The following MECOM variants were observed in gnomAD, a reference collection of about 807,000 sequenced individuals.
The protein encoded by MECOM is histone-lysine N-methyltransferase MECOM.
In MECOM, 13 loss-of-function variants were observed where a neutral mutation model predicts 116.3. The observed-to-expected ratio is 0.11, with a 90% confidence interval of 0.07 to 0.18. The LOEUF (loss-of-function observed/expected upper bound fraction) is 0.18, where lower values mean the gene tolerates loss of function less well. Among genes scored for constraint, MECOM ranks in the 10% least tolerant of loss-of-function variants. The probability of loss-of-function intolerance (pLI) is 1.00; values close to 1 mark genes in which losing one functional copy is unlikely to be tolerated. For missense variants in MECOM, 1,299 were observed against 1,509.0 expected (o/e 0.86, Z 2.31); for synonymous variants, 528 against 535.2 (o/e 0.99, Z 0.19).
chr3:169,462,912 C>A (rs887169339), intron 1 of MECOM, among the ~76,000 whole-genome samples: 4 of 152,122 alleles, frequency 2.6e-5, no homozygotes, highest in African/African-American at 7.2e-5. Flanking sequence ...TTTTAAAGAA[C>A]AACCTCATGT....
chr3:169,200,442 GT>G (rs1398119536), intron 2 of MECOM, among the ~76,000 whole-genome samples: 12 of 151,964 alleles, frequency 7.9e-5, no homozygotes, highest in African/African-American at 2.9e-4. Context: ...ACAGTGGGAG[GT>G]TTTTTAACAA....
At chr3:169,289,601 C>T (rs1388418059) in intron 2 of MECOM, among the ~76,000 whole-genome samples, 5 of 152,096 alleles carry the variant, frequency 3.3e-5, no homozygotes, top group Non-Finnish European at 7.4e-5. Flanking sequence ...CTTGAGCTAC[C>T]CCTGACAGGC....
intron 1 of MECOM, among the ~76,000 whole-genome samples, chr3:169,417,676 C>T (rs369837101): frequency 0.047 from 7,138 of 151,278 alleles, 244 homozygotes; most frequent in Non-Finnish European, 0.073. Flanking sequence ...TATTGCGGCA[C>T]TATTCACAAT....
At chr3:169,192,425 A>AT (rs1416436599) in intron 2 of MECOM, among the ~76,000 whole-genome samples, 1 of 151,924 alleles carries the variant, frequency 6.6e-6, no homozygotes, top group Non-Finnish European at 1.5e-5. Context: ...AAAACCTCAA[A>AT]TTTTTTTATT....
chr3:169,214,250 C>T (rs942788992), intron 2 of MECOM, among the ~76,000 whole-genome samples: 1 of 151,722 alleles, frequency 6.6e-6, no homozygotes, highest in Admixed American at 6.6e-5. Flanking sequence ...GTAGAATTAG[C>T]GGTAGAAAAG....
At chr3:169,256,102 C>T (rs1229862885) in intron 2 of MECOM, among the ~76,000 whole-genome samples, 1 of 152,150 alleles carries the variant, frequency 6.6e-6, no homozygotes, top group Non-Finnish European at 1.5e-5. Context: ...AAATACTTAG[C>T]TTCCTCTAGT....
intron 10 of MECOM, among the ~76,000 whole-genome samples, chr3:169,107,315 A>G (rs995073927): frequency 1.3e-5 from 2 of 152,190 alleles, no homozygotes; most frequent in African/African-American, 4.8e-5. Flanking sequence ...ATAAAAATAA[A>G]GCTATCCCCT....
At chr3:169,225,761 C>T (rs879839262) in intron 2 of MECOM, among the ~76,000 whole-genome samples, 70 of 152,168 alleles carry the variant, frequency 4.6e-4, no homozygotes, top group South Asian at 8.3e-4. Context: ...AGGCATGCAC[C>T]ACCACGCCTG....
intron 1 of MECOM, among the ~76,000 whole-genome samples, chr3:169,473,366 C>T (rs1749852219): frequency 6.6e-6 from 1 of 152,214 alleles, no homozygotes. Flanking sequence ...AGAGAGACCA[C>T]TATCCCTAAA....
chr3:169,297,353 A>AG (rs1715810549), intron 2 of MECOM, among the ~76,000 whole-genome samples: 1 of 152,242 alleles, frequency 6.6e-6, no homozygotes, highest in Admixed American at 6.5e-5. Flanking sequence ...ACCAAACAGT[A>AG]GTCATTTATC....
intron 2 of MECOM, among the ~76,000 whole-genome samples, chr3:169,190,985 T>C (rs1321094679): frequency 6.6e-6 from 1 of 151,956 alleles, no homozygotes; most frequent in African/African-American, 2.4e-5. Flanking sequence ...ATTTTACCCA[T>C]AGAAAGGCTG....
chr3:169,610,105 T>G (rs1769066634), intron 1 of MECOM, among the ~76,000 whole-genome samples: 1 of 152,224 alleles, frequency 6.6e-6, no homozygotes, highest in African/African-American at 2.4e-5. Flanking sequence ...ACTACAGGTT[T>G]TTGTCAATTG....
intron 3 of MECOM, among the ~76,000 whole-genome samples, chr3:169,132,576 G>C (rs1445422198): frequency 6.6e-6 from 1 of 151,986 alleles, no homozygotes; most frequent in African/African-American, 2.4e-5. Context: ...ACGATTAACT[G>C]GTGAAAATGA....
intron 1 of MECOM, among the ~76,000 whole-genome samples, chr3:169,586,335 A>G (rs1765775142): frequency 6.6e-6 from 1 of 152,246 alleles, no homozygotes; most frequent in Non-Finnish European, 1.5e-5. Flanking sequence ...TATTTTAAGC[A>G]TCTAAAGCCA....
At chr3:169,351,426 T>C (rs1726324485) in intron 2 of MECOM, among the ~76,000 whole-genome samples, 1 of 151,862 alleles carries the variant, frequency 6.6e-6, no homozygotes, top group Admixed American at 6.6e-5. Context: ...TATGTATCTT[T>C]CTAGTAGGTA....
intron 2 of MECOM, among the ~76,000 whole-genome samples, chr3:169,353,288 A>G (rs575650365): frequency 6.6e-6 from 1 of 152,028 alleles, no homozygotes; most frequent in Non-Finnish European, 1.5e-5. Flanking sequence ...AAGTGAATCA[A>G]CTACTTCATC....
intron 1 of MECOM, among the ~76,000 whole-genome samples, chr3:169,649,815 A>G (rs932166958): frequency 1.1e-4 from 16 of 152,248 alleles, no homozygotes; most frequent in African/African-American, 3.6e-4. Flanking sequence ...TAATCCCTTA[A>G]AGATTTATAT....
chr3:169,152,942 A>G (rs978486794), intron 2 of MECOM, among the ~76,000 whole-genome samples: 1 of 152,206 alleles, frequency 6.6e-6, no homozygotes, highest in Non-Finnish European at 1.5e-5. Flanking sequence ...TTTGGAAACT[A>G]AGATGAAGTA....
intron 1 of MECOM, among the ~76,000 whole-genome samples, chr3:169,482,678 C>T (rs1375714918): frequency 6.6e-6 from 1 of 152,148 alleles, no homozygotes; most frequent in Admixed American, 6.5e-5. Flanking sequence ...GAAGTCAGTG[C>T]TCATTGTCTC....
Sources: gnomAD v4.1 joint callset for allele counts (sites outside exome capture counted in the v4.1 genomes callset) on GRCh38, gnomAD v4.1.1 for gene constraint, MANE v1.5 for transcripts, NCBI Gene and HGNC (gene_info 2026-07-23, HGNC 2026-07-21) for gene names.